OR51B5: variants seen among roughly 807,000 people sequenced by gnomAD.
OR51B5 encodes olfactory receptor family 51 subfamily B member 5.
For missense variants in OR51B5, 456 were observed against 374.6 expected (o/e 1.22, Z -1.79); for synonymous variants, 186 against 144.8 (o/e 1.28, Z -2.04).
In OR51B5 at chr11:5,374,770, G is replaced by A. The variant is rs180768238; in HGVS notation, n.85-27860C>T. On this transcript the variant is annotated intron_variant and non_coding_transcript_variant, in intron 1 of 4. Coordinates refer to the OR51B5 transcript ENST00000415970. Reference sequence around the variant, plus strand: ...GAAATAAATGAAATGAAGCGAGAAGGGAAGTTTAGAGAAAAAAGAATAAAA... The same window carrying A: ...GAAATAAATGAAATGAAGCGAGAAGAGAAGTTTAGAGAAAAAAGAATAAAA... 3.6e-3 allele frequency among the ~76,000 whole-genome samples: 547 copies of A among 152,036 alleles called. 2 individuals are homozygous for A. Among genetic ancestry groups the A allele is most frequent in the African/African-American group, 0.012 (516 of 41,474 alleles).
chr11:5,363,339 T>C (rs1168757996), intron 1 of OR51B5, among the ~76,000 whole-genome samples: 2 of 121,168 alleles, frequency 1.7e-5, no homozygotes, highest in South Asian at 2.9e-4. Context: ...GTATTGGAAT[T>C]ACAGTTTTTT....
chr11:5,500,958 C>T lies in OR51B5; in HGVS notation n.84+4611G>A, dbSNP rs1375280039. On this transcript the variant is annotated intron_variant and non_coding_transcript_variant, in intron 1 of 4. Coordinates refer to the OR51B5 transcript ENST00000415970. ...TTTAGGTTGACACTAGGCAGCATTG[C>T]CTGTGATAGAAATGACCCTTGATTG... Among the ~76,000 whole-genome samples, 7 of 148,134 alleles carry T rather than the reference C, an allele frequency of 4.7e-5. 1 individual carries two copies. The highest frequency in any genetic ancestry group is 2.1e-4 in the Admixed American group (3 of 14,306).
At position 5,417,786 on chromosome 11, in the gene OR51B5, G is replaced by C. The variant is rs1177197775; in HGVS notation, n.85-70876C>G. Among the ~76,000 whole-genome samples, 9 of 140,192 alleles carry C rather than the reference G, an allele frequency of 6.4e-5. No homozygotes were observed. The South Asian group carries it at 2.0e-3, about 32-fold the overall frequency. The allele number at this position is 140,192 out of a possible 152,430, so 92.0% of individuals were successfully genotyped here. On this transcript the variant is annotated intron_variant and non_coding_transcript_variant, in intron 1 of 4. Transcript: ENST00000415970. ...AAGTCAGGAAACAACAGGTGCTGGA[G>C]AGGATGTGGAGAAATAGGAACACTT...
At chr11:5,499,646 C>T (rs1851691707) in intron 1 of OR51B5, among the ~76,000 whole-genome samples, 1 of 152,198 alleles carries the variant, frequency 6.6e-6, no homozygotes, top group South Asian at 2.1e-4. Flanking sequence ...CTCTTAACTG[C>T]ACAAGTCAAA....
chr11:5,478,166 G>T (rs1851347351), intron 1 of OR51B5, among the ~76,000 whole-genome samples: 1 of 151,924 alleles, frequency 6.6e-6, no homozygotes, highest in African/African-American at 2.4e-5. Flanking sequence ...GGAGATCTGA[G>T]AACGGGTAGA....
chr11:5,381,393 T>C (rs938607732), intron 1 of OR51B5, among the ~76,000 whole-genome samples: 3 of 152,152 alleles, frequency 2.0e-5, no homozygotes, highest in Non-Finnish European at 4.4e-5. Context: ...CACCTAATAT[T>C]CGCATGATTA....
chr11:5,423,228 A>G lies in OR51B5; in HGVS notation n.85-76318T>C, dbSNP rs1312543895. On this transcript the variant is annotated intron_variant and non_coding_transcript_variant, in intron 1 of 4. Transcript: ENST00000415970. ...GGGGGAATATATTCAGAATTAGGAA[A>G]CTATAAAATAAAACTTCATCATAAT... 3 of 1,429,180 alleles carry G rather than the reference A, an allele frequency of 2.1e-6. No individual in the cohort carries two copies. The East Asian group carries it at 7.5e-5, about 36-fold the overall frequency. 88.5% of individuals were successfully genotyped at this position (1,429,180 alleles called of 1,614,324 possible).
At chr11:5,349,863 G>T (rs1055561415) in intron 1 of OR51B5, among the ~76,000 whole-genome samples, 2 of 151,968 alleles carry the variant, frequency 1.3e-5, no homozygotes, top group African/African-American at 4.8e-5. Context: ...TCCCACATTG[G>T]CTCATCAATC....
At chr11:5,344,483 TCTCCCC>T (rs1205952855), upstream of OR51B5, among the ~76,000 whole-genome samples, 3 of 152,186 alleles carry the variant, frequency 2.0e-5, no homozygotes, top group Non-Finnish European at 4.4e-5. Context: ...CTGAATCTGT[TCTCCCC>T]AATACTGAGT....
intron 1 of OR51B5, among the ~76,000 whole-genome samples, chr11:5,480,328 T>C (rs1851398236): frequency 6.6e-6 from 1 of 151,550 alleles, no homozygotes; most frequent in Admixed American, 6.6e-5. Flanking sequence ...AGACACAACA[T>C]ACCAGAATCT....
intron 1 of OR51B5, chr11:5,423,091 G>T (rs1216500583): frequency 1.2e-6 from 2 of 1,612,952 alleles, no homozygotes; most frequent in East Asian, 2.2e-5. Flanking sequence ...ACAGTGTAAA[G>T]AACAAGCAGA....
chr11:5,480,970 TC>T (rs1387489096), intron 1 of OR51B5, among the ~76,000 whole-genome samples: 1 of 24,116 alleles, frequency 4.1e-5, no homozygotes, highest in African/African-American at 7.5e-5. Flanking sequence ...ACTATTCCAA[TC>T]AATAGAAAAA....
At chr11:5,452,612 G>A (rs1310813875) in intron 1 of OR51B5, among the ~76,000 whole-genome samples, 1 of 130,276 alleles carries the variant, frequency 7.7e-6, no homozygotes, top group Non-Finnish European at 1.6e-5. Flanking sequence ...GATATGGAGA[G>A]AGTATGTGAA....
intron 1 of OR51B5, among the ~76,000 whole-genome samples, chr11:5,421,857 G>C (rs1239581993): frequency 6.6e-6 from 1 of 152,180 alleles, no homozygotes; most frequent in East Asian, 1.9e-4. Flanking sequence ...TAGCCTTTGT[G>C]AGAACAGTAT....
At chr11:5,489,113 C>G in intron 1 of OR51B5, 1 of 1,613,936 alleles carries the variant, frequency 6.2e-7, no homozygotes, top group Non-Finnish European at 8.5e-7. Context: ...TTAAGGTACA[C>G]AACCATTCTC....
At chr11:5,390,977 C>G (rs1849786224) in intron 1 of OR51B5, 1 of 152,392 alleles carries the variant, frequency 6.6e-6, no homozygotes, top group Admixed American at 6.5e-5. Context: ...CCATATTCCT[C>G]TAGAAGAAGA....
rs1009576897 is a variant in OR51B5 at position 5,465,855 on chromosome 11, C to G, written n.84+39714G>C. ...CGTTAGACCTAAAACCATAAAAACC[C>G]TAGAAGAAAACCTAGGCATCACCAT... On this transcript the variant is annotated intron_variant and non_coding_transcript_variant, in intron 1 of 4. Transcript: ENST00000415970. Among the ~76,000 whole-genome samples, 4 of 150,756 alleles carry G rather than the reference C, an allele frequency of 2.7e-5. No individual in the cohort carries two copies. In the East Asian group the frequency reaches 7.7e-4, roughly 29 times the overall value.
chr11:5,438,604 A>G (rs183428779), intron 1 of OR51B5, among the ~76,000 whole-genome samples: 1 of 152,200 alleles, frequency 6.6e-6, no homozygotes, highest in South Asian at 2.1e-4. Flanking sequence ...GATATTTAAA[A>G]TGTCTTTTTC....
At chr11:5,461,476 A>G (rs150386386) in intron 1 of OR51B5, among the ~76,000 whole-genome samples, 1 of 152,234 alleles carries the variant, frequency 6.6e-6, no homozygotes, top group Non-Finnish European at 1.5e-5. Flanking sequence ...GCTCATTCAG[A>G]TCAGACTTGC....
Sources: gnomAD v4.1 joint callset for allele counts (sites outside exome capture counted in the v4.1 genomes callset) on GRCh38, gnomAD v4.1.1 for gene constraint, MANE v1.5 for transcripts, NCBI Gene and HGNC (gene_info 2026-07-23, HGNC 2026-07-21) for gene names.